NRXN1: variants seen among roughly 807,000 people sequenced by gnomAD.
The protein encoded by NRXN1 is neurexin 1, also known as neurexin-1.
In NRXN1, 39 loss-of-function variants were observed where a neutral mutation model predicts 150.9. The ratio of observed to expected loss-of-function variants is 0.26; its 90% CI spans 0.20 to 0.34. NRXN1 has a LOEUF of 0.34. NRXN1 is among the 10% of genes least tolerant of loss of function. NRXN1 has a pLI of 1.00. For synonymous variants in NRXN1, 924 were observed against 757.0 expected, an observed-to-expected ratio of 1.22 and a Z score of -3.62; for missense variants, 1,815 against 1,949.9, an observed-to-expected ratio of 0.93 and a Z score of 1.30.
intron 18 of NRXN1, among the ~76,000 whole-genome samples, chr2:50,205,102 G>C (rs775981284): frequency 6.6e-6 from 1 of 152,056 alleles, no homozygotes; most frequent in Non-Finnish European, 1.5e-5. Flanking sequence ...CATCTTAGTA[G>C]AGTCACACAC....
At position 50,829,257 on chromosome 2, in the gene NRXN1, C is replaced by G. The variant is rs571085684; in HGVS notation, c.832+92612G>C. On this transcript the variant is annotated intron_variant, in intron 5 of 22. Transcript: ENST00000401669. ...AGGGAGACCGTGGGGAGAGGGAGAC[C>G]GTGGGGAGAGGGAGAGGGAGAGGGA... is the stretch of plus-strand genomic sequence containing the variant. 4.8e-3 allele frequency among the ~76,000 whole-genome samples: 706 copies of G among 146,852 alleles called. 3 individuals are homozygous for G. Among genetic ancestry groups the G allele is most frequent in the Non-Finnish European group, 9.1e-3 (601 of 66,226 alleles).
intron 5 of NRXN1, among the ~76,000 whole-genome samples, chr2:50,887,334 GGAA>G (rs1481287174): frequency 1.3e-5 from 2 of 151,420 alleles, no homozygotes; most frequent in Non-Finnish European, 3.0e-5. Context: ...ATTTGCAAAA[GGAA>G]TATCAGTTTC....
chr2:49,969,172 T>C (rs1358181982), intron 21 of NRXN1, among the ~76,000 whole-genome samples: 1 of 152,132 alleles, frequency 6.6e-6, no homozygotes, highest in Non-Finnish European at 1.5e-5. Context: ...AATAGCTACA[T>C]GTTTAACAAT....
chr2:50,477,437 C>G (rs112116016), intron 15 of NRXN1, among the ~76,000 whole-genome samples: 1 of 152,048 alleles, frequency 6.6e-6, no homozygotes, highest in Non-Finnish European at 1.5e-5. Flanking sequence ...CCTTAGGGAA[C>G]GGAGGTTGGA....
chr2:50,603,120 T>A (rs1275997666), intron 8 of NRXN1, among the ~76,000 whole-genome samples: 1 of 152,198 alleles, frequency 6.6e-6, no homozygotes. Flanking sequence ...ATGAGGCAAC[T>A]GCACACAGAG....
intron 21 of NRXN1, among the ~76,000 whole-genome samples, chr2:49,947,304 T>C (rs1673079441): frequency 6.6e-6 from 1 of 152,044 alleles, no homozygotes; most frequent in Admixed American, 6.6e-5. Flanking sequence ...TATAAATAAA[T>C]TCTTTAAACC....
chr2:50,493,711 C>G (rs192322368), intron 15 of NRXN1, among the ~76,000 whole-genome samples: 1 of 152,252 alleles, frequency 6.6e-6, no homozygotes, highest in African/African-American at 2.4e-5. Context: ...GATCACATAC[C>G]CAATTTGTTA....
chr2:50,757,217 A>G (rs1202883864), intron 5 of NRXN1, among the ~76,000 whole-genome samples: 1 of 151,860 alleles, frequency 6.6e-6, no homozygotes, highest in African/African-American at 2.4e-5. Context: ...AGATTTAGGT[A>G]CCAGAGTTAA....
At chr2:50,825,640 C>A (rs867208862) in intron 5 of NRXN1, among the ~76,000 whole-genome samples, 3 of 152,162 alleles carry the variant, frequency 2.0e-5, no homozygotes, top group African/African-American at 4.8e-5. Context: ...TTGTAATATT[C>A]TTTATAATAA....
At chr2:50,202,115 G>A (rs1160872441) in intron 18 of NRXN1, among the ~76,000 whole-genome samples, 1 of 152,180 alleles carries the variant, frequency 6.6e-6, no homozygotes, top group Non-Finnish European at 1.5e-5. Flanking sequence ...CTACTGTACT[G>A]TTTTAATTTA....
intron 17 of NRXN1, among the ~76,000 whole-genome samples, chr2:50,449,896 C>T (rs1010037180): frequency 6.6e-6 from 1 of 152,208 alleles, no homozygotes; most frequent in Admixed American, 6.5e-5. Flanking sequence ...CCTGCAAGAT[C>T]TGTAATTGTG....
intron 21 of NRXN1, among the ~76,000 whole-genome samples, chr2:49,948,979 G>A (rs530043922): frequency 3.3e-5 from 5 of 152,088 alleles, no homozygotes; most frequent in Admixed American, 2.0e-4. Flanking sequence ...CATGCACATC[G>A]TAAGCATCTC....
chr2:50,813,510 A>T (rs987336879), intron 5 of NRXN1, among the ~76,000 whole-genome samples: 1 of 152,184 alleles, frequency 6.6e-6, no homozygotes, highest in African/African-American at 2.4e-5. Context: ...GTTGATTATT[A>T]GCAATTTCAT....
chr2:50,082,108 C>T (rs1349746519), intron 19 of NRXN1, among the ~76,000 whole-genome samples: 2 of 152,032 alleles, frequency 1.3e-5, no homozygotes, highest in Non-Finnish European at 2.9e-5. Flanking sequence ...TTGTTTCCAC[C>T]TCATTTCCTA....
chr2:50,070,553 A>G (rs7566326), intron 19 of NRXN1, among the ~76,000 whole-genome samples: 103,072 of 150,974 alleles, frequency 0.68, 36,004 homozygotes, highest in African/African-American at 0.83. Context: ...GGCGGATCAC[A>G]AGGTCAGGAG....
At chr2:50,193,146 T>A (rs2061550347) in intron 18 of NRXN1, among the ~76,000 whole-genome samples, 1 of 152,172 alleles carries the variant, frequency 6.6e-6, no homozygotes, top group Non-Finnish European at 1.5e-5. Flanking sequence ...GTTAACAAGT[T>A]CACTTTAATT....
At chr2:50,949,693 TA>T (rs1321051288) in intron 2 of NRXN1, among the ~76,000 whole-genome samples, 1 of 152,060 alleles carries the variant, frequency 6.6e-6, no homozygotes, top group Non-Finnish European at 1.5e-5. Context: ...GTTTTTATAA[TA>T]AAAGTATCTT....
intron 17 of NRXN1, among the ~76,000 whole-genome samples, chr2:50,252,415 C>T (rs1342503951): frequency 6.6e-6 from 1 of 151,632 alleles, no homozygotes; most frequent in Non-Finnish European, 1.5e-5. Context: ...TGTGCCACCA[C>T]ACTCAGCTAA....
intron 2 of NRXN1, among the ~76,000 whole-genome samples, chr2:50,932,370 A>C (rs147470839): frequency 1.3e-5 from 2 of 151,888 alleles, no homozygotes; most frequent in Non-Finnish European, 2.9e-5. Flanking sequence ...CTTTACATTA[A>C]GTTTATGTGA....
Sources: allele counts gnomAD v4.1 joint callset (sites outside exome capture counted in the v4.1 genomes callset), GRCh38; gene constraint gnomAD v4.1.1; transcripts MANE v1.5; gene names NCBI Gene and HGNC (gene_info 2026-07-23, HGNC 2026-07-21).